UHMK1: variants seen among roughly 807,000 people sequenced by gnomAD.
UHMK1 encodes U2AF homology motif kinase 1.
In UHMK1, 18 loss-of-function variants were observed where a neutral mutation model predicts 44.0. The observed-to-expected ratio is 0.41, with a 90% CI of 0.28 to 0.61. The LOEUF (loss-of-function observed/expected upper bound fraction) is 0.61. Among genes scored for constraint, UHMK1 ranks in the 20% least tolerant of loss-of-function variants. UHMK1 has a pLI of 0.31. For missense variants in UHMK1, 463 were observed against 522.5 expected (o/e 0.89, Z 1.11); for synonymous variants, 231 against 198.5 (o/e 1.16, Z -1.38).
chr1:162,501,461 C>T (rs1385813796), intron 3 of UHMK1, among the ~76,000 whole-genome samples: 2 of 152,236 alleles, frequency 1.3e-5, no homozygotes, highest in African/African-American at 2.4e-5. Context: ...AGCCACCGCA[C>T]CTGGCCAATT....
intron 7 of UHMK1, 114 bp downstream of exon 7, chr1:162,518,304 T>G (rs1022474688): frequency 1.5e-6 from 1 of 672,638 alleles, no homozygotes; most frequent in Middle Eastern, 4.1e-4. Context: ...ATTATGAGTT[T>G]TGCATTTTAA....
At position 162,528,901 on chromosome 1, in the gene UHMK1, T is replaced by C. The variant is rs1007414083; in HGVS notation, c.*6351T>C. 6.6e-6 allele frequency: 1 copy of C among 152,130 alleles called. No individual in the cohort carries two copies. Among genetic ancestry groups the C allele is most frequent in the African/African-American group, 2.4e-5 (1 of 41,462 alleles). 9.4% of individuals were successfully genotyped at this position (152,130 alleles called of 1,614,324 possible). ...ATCTGTTGATCAGCCTTAGAAAATC[T>C]AAGTATGATCAATAAATTTTAATGG... On this transcript the variant is annotated 3_prime_UTR_variant, in exon 8 of 8. Coordinates refer to ENST00000489294, the MANE Select transcript of UHMK1 (RefSeq NM_175866.5).
At position 162,498,005 on chromosome 1, in the gene UHMK1, C is replaced by T; in HGVS notation, c.5C>T (p.Ala2Val). 6.3e-7 allele frequency: 1 copy of T among 1,580,140 alleles called. No homozygotes were observed. The highest frequency in any genetic ancestry group is 8.6e-7 in the Non-Finnish European group (1 of 1,161,436). M[A>V]GSGCAWGAEP... ...CCGTGCCCTTAACCCACACCGATGG[C>T]GGGATCCGGCTGCGCCTGGGGCGCG... Residue 2 changes from alanine to valine, a missense_variant, in exon 1 of 8, where the codon GCG becomes GTG. This residue lies in a region of UHMK1 where 191 missense variants were observed against 176.0 expected (regional missense o/e 1.09). Transcript: ENST00000489294.
intron 7 of UHMK1, 67 bp downstream of exon 7, chr1:162,518,257 G>A: frequency 1.6e-6 from 2 of 1,223,504 alleles, no homozygotes; most frequent in Admixed American, 1.9e-5. Context: ...AAATGTTTTA[G>A]TTCTGTAGGA....
Position 162,518,459 on chromosome 1 carries a change from G to T in UHMK1, c.1113+269G>T, listed in dbSNP as rs139174181. 1.3e-3 allele frequency among the ~76,000 whole-genome samples: 205 copies of T among 152,102 alleles called. 5 individuals are homozygous for T. In the East Asian group the frequency reaches 0.033, roughly 25 times the overall value. On this transcript the variant is annotated intron_variant, in intron 7 of 7. Coordinates refer to ENST00000489294, the MANE Select transcript of UHMK1 (RefSeq NM_175866.5). ...GCCTGTAATCCCAGCACTTTGGGAG[G>T]CTGAGGTGGGTGGATTACTTGAGGT...
Position 162,498,234 on chromosome 1 carries a change from G to T in UHMK1, c.234G>T (p.Ala78=). The T allele has an allele frequency of 6.2e-7, 1 of 1,608,002 alleles. No individual in the cohort carries two copies. The highest frequency in any genetic ancestry group is 8.5e-7 in the Non-Finnish European group (1 of 1,176,914). The change falls in exon 1 of 8, where the codon GCG becomes GCT. Residue 78 remains alanine, a synonymous_variant. Coordinates refer to ENST00000489294, the MANE Select transcript of UHMK1 (RefSeq NM_175866.5). The stretch of plus-strand genomic sequence containing the variant: ...AGTATGGTTTCCGCAAAGAGAGGGC[G>T]GCGCTGGAACAGTTGCAGGGTCACA... ...AAEYGFRKER[A]ALEQLQGHRN... is the part of the protein sequence containing the mutation.
intron 4 of UHMK1, 68 bp downstream of exon 4, chr1:162,503,916 C>A: frequency 1.7e-6 from 2 of 1,147,684 alleles, no homozygotes; most frequent in Non-Finnish European, 2.5e-6. Flanking sequence ...TCTTTTTTTT[C>A]TCTGAACAGA....
intron 7 of UHMK1, among the ~76,000 whole-genome samples, chr1:162,522,023 T>C (rs1355114541): frequency 1.3e-5 from 2 of 151,792 alleles, no homozygotes; most frequent in Non-Finnish European, 1.5e-5. Flanking sequence ...CCAGGTACCA[T>C]TGAAATGCAG....
chr1:162,498,259 A>C lies in UHMK1; in HGVS notation c.259A>C (p.Arg87=), dbSNP rs1407458216. 2 of 1,589,942 alleles carry C rather than the reference A, an allele frequency of 1.3e-6. No homozygotes were observed. The highest frequency in any genetic ancestry group is 1.7e-4 in the Middle Eastern group (1 of 6,004). Residue 87 remains arginine, a synonymous_variant, in exon 1 of 8, where the codon AGA becomes CGA. Transcript: ENST00000489294. ...RAALEQLQGH[R]NIVTLYGVFT... ...GGCGCTGGAACAGTTGCAGGGTCAC[A>C]GAAACATCGGTAATTGCCGCTGTCT...
intron 1 of UHMK1, among the ~76,000 whole-genome samples, chr1:162,499,169 T>C (rs1208838492): frequency 6.6e-6 from 1 of 151,976 alleles, no homozygotes; most frequent in Non-Finnish European, 1.5e-5. Flanking sequence ...GAGAGCTGTT[T>C]ATTTTTGTTT....
At position 162,497,987 on chromosome 1, in the gene UHMK1, C is replaced by T. The variant is rs1651114391; in HGVS notation, c.-14C>T. ...TCGCGTCAGCTCCCGTGTCCGTGCC[C>T]TTAACCCACACCGATGGCGGGATCC... On this transcript the variant is annotated 5_prime_UTR_variant, in exon 1 of 8. Transcript: ENST00000489294. The T allele has an allele frequency of 1.3e-6, 2 of 1,558,810 alleles. No homozygotes were observed. The highest frequency in any genetic ancestry group is 2.7e-5 in the African/African-American group (2 of 72,914).
intron 6 of UHMK1, 59 bp downstream of exon 6, chr1:162,512,882 A>G (rs987246423): frequency 4.1e-6 from 6 of 1,450,904 alleles, no homozygotes; most frequent in Admixed American, 1.7e-5. Context: ...TAGAATAAAC[A>G]TATCCGTAAC....
intron 7 of UHMK1, among the ~76,000 whole-genome samples, chr1:162,519,825 C>CA (rs1452099971): frequency 2.0e-4 from 30 of 151,724 alleles, no homozygotes; most frequent in Admixed American, 6.6e-4. Context: ...CCACTTTGAA[C>CA]AAAAAAAATG....
chr1:162,516,144 A>G (rs952573229), intron 6 of UHMK1, among the ~76,000 whole-genome samples: 10 of 152,296 alleles, frequency 6.6e-5, no homozygotes, highest in Admixed American at 5.9e-4. Context: ...ACTTTTAAAT[A>G]CACGGAGTCT....
rs1652089513 is a variant in UHMK1 at position 162,522,387 on chromosome 1, T to C, written c.1114-17T>C. On this transcript the variant is annotated splice_polypyrimidine_tract_variant and intron_variant, in intron 7 of 7. Transcript: ENST00000489294. ...TCTTGGTGGAAATGAAATGTTTTTTTCTCTGTCTTCTTTCAGGTCTTTGTT... is the reference window on the plus strand; with the variant it reads ...TCTTGGTGGAAATGAAATGTTTTTTCCTCTGTCTTCTTTCAGGTCTTTGTT... 2 of 1,613,374 alleles carry C rather than the reference T, an allele frequency of 1.2e-6. No homozygotes were observed. The highest frequency in any genetic ancestry group is 1.7e-5 in the Admixed American group (1 of 59,900).
At chr1:162,501,191 A>G in intron 3 of UHMK1, 87 bp downstream of exon 3, 1 of 1,326,652 alleles carries the variant, frequency 7.5e-7, no homozygotes, top group Non-Finnish European at 1.0e-6. Flanking sequence ...TTCTTTTGAG[A>G]TGGAGTTTCA....
intron 7 of UHMK1, 142 bp from the exon 8 acceptor site, chr1:162,522,262 C>A (rs1202661195): frequency 7.1e-6 from 6 of 843,822 alleles, no homozygotes; most frequent in Admixed American, 5.7e-5. Flanking sequence ...AACAGAAACT[C>A]AGGCGACATC....
At chr1:162,515,195 C>CT (rs1171930349) in intron 6 of UHMK1, among the ~76,000 whole-genome samples, 1 of 151,980 alleles carries the variant, frequency 6.6e-6, no homozygotes, top group Non-Finnish European at 1.5e-5. Context: ...TTTCCTTTTA[C>CT]TTTGTTTCTT....
At chr1:162,507,246 A>G (rs775303434) in intron 4 of UHMK1, among the ~76,000 whole-genome samples, 12 of 151,704 alleles carry the variant, frequency 7.9e-5, no homozygotes, top group Non-Finnish European at 1.2e-4. Flanking sequence ...CAGCCTCCCA[A>G]GTAGCTAGGA....
Sources: allele counts gnomAD v4.1 joint callset (sites outside exome capture counted in the v4.1 genomes callset), GRCh38; gene constraint gnomAD v4.1.1; regional missense constraint gnomAD v4.1.1; transcripts MANE v1.5; gene names NCBI Gene and HGNC (gene_info 2026-07-23, HGNC 2026-07-21).